Variants in COLEC12 observed in about 807,000 individuals in gnomAD.
COLEC12 encodes the protein collectin-12.
A neutral mutation model predicts 71.1 loss-of-function variants in COLEC12; 33 were observed. The ratio of observed to expected loss-of-function variants is 0.46; its 90% CI spans 0.35 to 0.62. COLEC12 has a LOEUF of 0.62. Among genes scored for constraint, COLEC12 ranks in the 20% least tolerant of loss-of-function variants. COLEC12 has a pLI of 0.00. For synonymous variants in COLEC12, 350 were observed against 353.0 expected, an observed-to-expected ratio of 0.99 and a Z score of 0.10; for missense variants, 765 against 916.1, an observed-to-expected ratio of 0.84 and a Z score of 2.13.
intron 3 of COLEC12, among the ~76,000 whole-genome samples, chr18:353,902 T>C (rs548252989): frequency 7.2e-5 from 11 of 152,354 alleles, no homozygotes; most frequent in African/African-American, 2.4e-4. Flanking sequence ...TCCAGTGTGA[T>C]TTGATGTGTA....
chr18:407,620 G>A (rs1915815657), intron 2 of COLEC12, among the ~76,000 whole-genome samples: 2 of 152,208 alleles, frequency 1.3e-5, no homozygotes, highest in Non-Finnish European at 2.9e-5. Flanking sequence ...TTGACAGAAT[G>A]AAACCCACCC....
intron 2 of COLEC12, among the ~76,000 whole-genome samples, chr18:448,008 T>C (rs1254099686): frequency 6.6e-6 from 1 of 152,192 alleles, no homozygotes; most frequent in Non-Finnish European, 1.5e-5. Flanking sequence ...GCACAGTGTG[T>C]GTGAAAATAC....
intron 2 of COLEC12, among the ~76,000 whole-genome samples, chr18:402,809 G>T (rs1291497403): frequency 6.6e-6 from 1 of 152,038 alleles, no homozygotes; most frequent in Admixed American, 6.5e-5. Flanking sequence ...AGAAGCCATG[G>T]CCTGAGTTAC....
chr18:476,387 C>A (rs773281839), intron 2 of COLEC12, among the ~76,000 whole-genome samples: 2 of 152,220 alleles, frequency 1.3e-5, no homozygotes, highest in Non-Finnish European at 2.9e-5. Flanking sequence ...CAAATACAAA[C>A]AACAAATGTT....
At chr18:494,111 T>C (rs1454776136) in intron 1 of COLEC12, among the ~76,000 whole-genome samples, 2 of 152,200 alleles carry the variant, frequency 1.3e-5, no homozygotes, top group Admixed American at 6.5e-5. Context: ...ACTTTGGGAA[T>C]TATCCCTGCA....
intron 2 of COLEC12, among the ~76,000 whole-genome samples, chr18:436,546 G>A (rs938723698): frequency 2.0e-5 from 3 of 149,340 alleles, no homozygotes; most frequent in Admixed American, 6.7e-5. Context: ...GGGGAAACAG[G>A]GGTGGCTTTC....
At chr18:469,037 T>C (rs148625293) in intron 2 of COLEC12, among the ~76,000 whole-genome samples, 87 of 152,376 alleles carry the variant, frequency 5.7e-4, no homozygotes, top group African/African-American at 2.0e-3. Flanking sequence ...CATGGAAGGA[T>C]GCTGCCTTCC....
In COLEC12 at chr18:480,468, A is replaced by T. The variant is rs1449080454; in HGVS notation, c.58+239T>A. On this transcript the variant is annotated intron_variant, in intron 2 of 9. Transcript: ENST00000400256. The surrounding 1 kb of genome is among the most constrained non-coding windows in gnomAD (Gnocchi z 4.1). Reference sequence around the variant, plus strand: ...TGTCTCTTTTCCATTCAGCAGACCCATGAACATCCCATCACTTCCCCATGC... The same window carrying T: ...TGTCTCTTTTCCATTCAGCAGACCCTTGAACATCCCATCACTTCCCCATGC... Among the ~76,000 whole-genome samples the T allele has an allele frequency of 2.0e-5, 3 of 152,126 alleles. No homozygotes were observed. Among genetic ancestry groups the T allele is most frequent in the African/African-American group, 7.2e-5 (3 of 41,426 alleles).
At chr18:492,475 T>G (rs1284658346) in intron 1 of COLEC12, among the ~76,000 whole-genome samples, 1 of 152,188 alleles carries the variant, frequency 6.6e-6, no homozygotes, top group Non-Finnish European at 1.5e-5. Flanking sequence ...TCCAAAACCT[T>G]GACATCTGCA....
intron 2 of COLEC12, among the ~76,000 whole-genome samples, chr18:371,010 G>A (rs1179862605): frequency 6.6e-6 from 1 of 152,182 alleles, no homozygotes; most frequent in African/African-American, 2.4e-5. Flanking sequence ...AATGAAGTCT[G>A]GACTTCACAG....
chr18:476,912 G>C (rs1316878264), intron 2 of COLEC12, among the ~76,000 whole-genome samples: 2 of 152,168 alleles, frequency 1.3e-5, no homozygotes, highest in Non-Finnish European at 2.9e-5. Flanking sequence ...CCTGATTAAA[G>C]CTTGAAAATG....
chr18:414,913 C>A (rs760204960), intron 2 of COLEC12, among the ~76,000 whole-genome samples: 12 of 152,186 alleles, frequency 7.9e-5, no homozygotes, highest in Non-Finnish European at 1.6e-4. Flanking sequence ...TAAAACTGTG[C>A]AATCACCTGC....
chr18:381,486 T>G (rs1304646434), intron 2 of COLEC12, among the ~76,000 whole-genome samples: 2 of 152,116 alleles, frequency 1.3e-5, no homozygotes, highest in Non-Finnish European at 2.9e-5. Context: ...AAAATAATAA[T>G]AATAAAGGAA....
At chr18:483,483 A>AT (rs1435796661) in intron 1 of COLEC12, among the ~76,000 whole-genome samples, 1 of 152,036 alleles carries the variant, frequency 6.6e-6, no homozygotes, top group Non-Finnish European at 1.5e-5. Context: ...GTATTTCACC[A>AT]TTGTCTCCTT....
intron 2 of COLEC12, among the ~76,000 whole-genome samples, chr18:382,039 A>T (rs1042115182): frequency 6.6e-6 from 1 of 152,186 alleles, no homozygotes; most frequent in African/African-American, 2.4e-5. Context: ...GGGGAGACAG[A>T]AGCATTACTA....
intron 2 of COLEC12, among the ~76,000 whole-genome samples, chr18:364,127 T>A (rs1295427897): frequency 6.6e-6 from 1 of 152,202 alleles, no homozygotes; most frequent in Non-Finnish European, 1.5e-5. Context: ...TCATTGAAAT[T>A]TTTTCATGTG....
Position 321,212 on chromosome 18 carries a change from G to A in COLEC12, c.2209+450C>T, listed in dbSNP as rs186843650. Among the ~76,000 whole-genome samples the A allele has an allele frequency of 6.5e-3, 989 of 152,196 alleles. 15 individuals carry two copies. Among genetic ancestry groups the A allele is most frequent in the African/African-American group, 0.022 (930 of 41,536 alleles). ...TGGGATTACAGGCATGCGCCACCAT[G>A]CCCGGCTAATTTTGTATTTTTAGTA... On this transcript the variant is annotated intron_variant, in intron 9 of 9. Transcript: ENST00000400256.
At chr18:476,117 T>TA (rs1917298890) in intron 2 of COLEC12, among the ~76,000 whole-genome samples, 1 of 152,218 alleles carries the variant, frequency 6.6e-6, no homozygotes, top group South Asian at 2.1e-4. Context: ...AGAACACACT[T>TA]ACTGATCTCA....
At chr18:446,651 C>G (rs1413628605) in intron 2 of COLEC12, among the ~76,000 whole-genome samples, 3 of 151,546 alleles carry the variant, frequency 2.0e-5, no homozygotes, top group African/African-American at 7.3e-5. Context: ...TGAGGACCTT[C>G]CAAAGTTTTA....
Sources: allele counts gnomAD v4.1 joint callset (sites outside exome capture counted in the v4.1 genomes callset), GRCh38; gene constraint gnomAD v4.1.1; non-coding constraint Gnocchi (gnomAD v3.1); transcripts MANE v1.5; gene names NCBI Gene and HGNC (gene_info 2026-07-23, HGNC 2026-07-21).